CPED1: variants seen among roughly 807,000 people sequenced by gnomAD.
CPED1 encodes the protein cadherin-like and PC-esterase domain-containing protein 1.
CPED1 carries 114 observed loss-of-function variants against 128.2 expected under a neutral mutation model. The ratio of observed to expected loss-of-function variants is 0.89; its 90% CI spans 0.76 to 1.04. The LOEUF (loss-of-function observed/expected upper bound fraction) is 1.04, where lower values mean the gene tolerates loss of function less well. CPED1 is among the 50% of genes least tolerant of loss of function. The pLI is 0.00. For missense variants in CPED1, 1,211 were observed against 1,207.1 expected, an observed-to-expected ratio of 1.00 and a Z score of -0.05; for synonymous variants, 462 against 426.7, an observed-to-expected ratio of 1.08 and a Z score of -1.02.
intron 16 of CPED1, among the ~76,000 whole-genome samples, chr7:121,226,062 CT>C (rs1225626257): frequency 6.6e-6 from 1 of 152,090 alleles, no homozygotes; most frequent in Admixed American, 6.6e-5. Context: ...AAGAGGTGCT[CT>C]GGTTTTTAGA....
At chr7:121,285,238 C>T (rs1792541669) in intron 22 of CPED1, among the ~76,000 whole-genome samples, 1 of 152,194 alleles carries the variant, frequency 6.6e-6, no homozygotes, top group African/African-American at 2.4e-5. Context: ...GCAGTATGTC[C>T]TGAGGCTGCA....
intron 5 of CPED1, among the ~76,000 whole-genome samples, chr7:121,093,431 T>TCACACACACA (rs1199014881): frequency 1.7e-4 from 13 of 74,652 alleles, no homozygotes; most frequent in Admixed American, 8.0e-4. Flanking sequence ...CACACACAGT[T>TCACACACACA]GTTTGTTTGT....
At chr7:121,228,152 A>G (rs2116642089) in intron 16 of CPED1, among the ~76,000 whole-genome samples, 1 of 152,184 alleles carries the variant, frequency 6.6e-6, no homozygotes, top group East Asian at 1.9e-4. Flanking sequence ...TAGACTAAGA[A>G]GACTTAATTA....
intron 22 of CPED1, among the ~76,000 whole-genome samples, chr7:121,285,329 A>G (rs1584654968): frequency 6.6e-6 from 1 of 152,162 alleles, no homozygotes; most frequent in Non-Finnish European, 1.5e-5. Context: ...AGGGGCTGCC[A>G]TGAAGGTCTC....
chr7:121,259,093 A>C (rs1237908158), intron 18 of CPED1, among the ~76,000 whole-genome samples: 1 of 151,994 alleles, frequency 6.6e-6, no homozygotes, highest in Non-Finnish European at 1.5e-5. Context: ...TTATGTTGTT[A>C]TTGTGACCTT....
intron 5 of CPED1, among the ~76,000 whole-genome samples, chr7:121,094,042 T>A (rs1427210962): frequency 6.6e-6 from 1 of 152,198 alleles, no homozygotes; most frequent in African/African-American, 2.4e-5. Context: ...GTTCTGATGT[T>A]ATATTTGCAG....
intron 16 of CPED1, among the ~76,000 whole-genome samples, chr7:121,156,887 G>A (rs984969990): frequency 1.3e-5 from 2 of 151,952 alleles, no homozygotes; most frequent in Non-Finnish European, 2.9e-5. Context: ...TAACACCAGG[G>A]CACCCATAAA....
intron 22 of CPED1, among the ~76,000 whole-genome samples, chr7:121,274,436 CTA>C (rs35892178): frequency 0.15 from 23,499 of 152,100 alleles, 2,211 homozygotes; most frequent in Admixed American, 0.21. Context: ...TTTCTTAACT[CTA>C]TTTCTGATGT....
Position 121,140,947 on chromosome 7 carries a change from T to C in CPED1, c.1820T>C (p.Val607Ala). 2 of 1,612,662 alleles carry C rather than the reference T, an allele frequency of 1.2e-6. No individual in the cohort carries two copies. Among genetic ancestry groups the C allele is most frequent in the Non-Finnish European group, 1.7e-6 (2 of 1,179,204 alleles). ...GAAGTCCCATTTGATGTGGTAACAG[T>C]GACAATTGGAGTGGAAACTCCTAAG... ...YCEVPFDVVT[V>A]TIGVETPKCL... The change falls in exon 15 of 23, where the codon GTG becomes GCG. Residue 607 changes from valine to alanine, a missense_variant. Val to Ala is a moderately conservative substitution (Grantham distance 64). Transcript: ENST00000310396.
At position 121,262,461 on chromosome 7, in the gene CPED1, G is replaced by A. The variant is rs193048575; in HGVS notation, c.2311-3766G>A. On this transcript the variant is annotated intron_variant, in intron 18 of 22. Coordinates refer to ENST00000310396, the MANE Select transcript of CPED1 (RefSeq NM_024913.5). ...AAAAATACCAATTCCTGTATACTCT[G>A]TGGTAGCTCACACTGCATGCAGAGT... 2.6e-5 allele frequency among the ~76,000 whole-genome samples: 4 copies of A among 152,162 alleles called. No individual in the cohort carries two copies. The East Asian group carries it at 7.8e-4, about 30-fold the overall frequency.
At chr7:121,195,229 G>T (rs1290851110) in intron 16 of CPED1, among the ~76,000 whole-genome samples, 1 of 152,082 alleles carries the variant, frequency 6.6e-6, no homozygotes, top group Admixed American at 6.6e-5. Context: ...ATCTACACAG[G>T]TATCTGTAAT....
chr7:121,038,150 C>G (rs183868736), intron 3 of CPED1, among the ~76,000 whole-genome samples: 1 of 151,902 alleles, frequency 6.6e-6, no homozygotes, highest in East Asian at 1.9e-4. Flanking sequence ...GTCTGTTGCA[C>G]TGGCTAGGAC....
At chr7:121,288,380 G>T (rs1792627315) in intron 22 of CPED1, among the ~76,000 whole-genome samples, 1 of 152,142 alleles carries the variant, frequency 6.6e-6, no homozygotes, top group African/African-American at 2.4e-5. Flanking sequence ...AAGAACATAT[G>T]GGAGCATTGA....
intron 16 of CPED1, among the ~76,000 whole-genome samples, chr7:121,176,267 A>G (rs1796777444): frequency 6.6e-6 from 1 of 151,654 alleles, no homozygotes; most frequent in Non-Finnish European, 1.5e-5. Context: ...ACTAATAGTA[A>G]TAAGCCTCCT....
At chr7:120,995,407 C>T (rs1041670027) in intron 2 of CPED1, among the ~76,000 whole-genome samples, 1 of 152,180 alleles carries the variant, frequency 6.6e-6, no homozygotes, top group African/African-American at 2.4e-5. Flanking sequence ...TTTTCGAGTT[C>T]ATTTCCTCTC....
intron 16 of CPED1, among the ~76,000 whole-genome samples, chr7:121,160,625 A>G (rs527642087): frequency 6.6e-6 from 1 of 152,210 alleles, no homozygotes; most frequent in South Asian, 2.1e-4. Context: ...AGAAAGGGAG[A>G]AAGAGAGTGA....
chr7:121,159,428 T>C (rs981626025), intron 16 of CPED1, among the ~76,000 whole-genome samples: 1 of 152,184 alleles, frequency 6.6e-6, no homozygotes, highest in East Asian at 1.9e-4. Context: ...TGTTTTTGTT[T>C]ACCTCTTCAA....
chr7:121,273,294 G>A (rs1379689841), intron 22 of CPED1, among the ~76,000 whole-genome samples: 4 of 151,954 alleles, frequency 2.6e-5, no homozygotes, highest in East Asian at 1.9e-4. Context: ...AGGCTGAGGC[G>A]GGTGGATCAC....
At chr7:121,128,983 A>G (rs915954385) in intron 11 of CPED1, among the ~76,000 whole-genome samples, 14 of 151,916 alleles carry the variant, frequency 9.2e-5, no homozygotes, top group African/African-American at 3.1e-4. Flanking sequence ...AAATAATTAT[A>G]ACTTTTACTG....
Sources: allele counts gnomAD v4.1 joint callset (sites outside exome capture counted in the v4.1 genomes callset), GRCh38; gene constraint gnomAD v4.1.1; transcripts MANE v1.5; gene names NCBI Gene and HGNC (gene_info 2026-07-23, HGNC 2026-07-21).